CSMD1: variants seen among roughly 807,000 people sequenced by gnomAD.
CSMD1 encodes CUB and Sushi multiple domains 1.
In CSMD1, 213 loss-of-function variants were observed where a neutral mutation model predicts 417.5. That is an observed-to-expected ratio of 0.51 (90% CI 0.46 to 0.57). CSMD1 has a LOEUF of 0.57. CSMD1 is among the 20% of genes least tolerant of loss of function. CSMD1 has a pLI of 0.00. For missense variants in CSMD1, 6,923 were observed against 4,529.7 expected, an observed-to-expected ratio of 1.53 and a Z score of -15.17; for synonymous variants, 2,862 against 1,736.8, an observed-to-expected ratio of 1.65 and a Z score of -16.11.
intron 3 of CSMD1, among the ~76,000 whole-genome samples, chr8:4,365,472 C>T: frequency 6.6e-6 from 1 of 152,212 alleles, no homozygotes; most frequent in South Asian, 2.1e-4. Flanking sequence ...TTCTTTTTCT[C>T]CAAGTCTACT....
intron 1 of CSMD1, among the ~76,000 whole-genome samples, chr8:4,700,748 G>A (rs1463490460): frequency 6.6e-6 from 1 of 152,062 alleles, no homozygotes; most frequent in Non-Finnish European, 1.5e-5. Flanking sequence ...TTTATTATAT[G>A]CAACTTACGC....
chr8:4,917,015 C>T (rs563471660), intron 1 of CSMD1, among the ~76,000 whole-genome samples: 2 of 152,250 alleles, frequency 1.3e-5, no homozygotes, highest in South Asian at 4.1e-4. Flanking sequence ...TATAAATAAC[C>T]ACCTGAGACT....
chr8:3,624,028 C>G (rs1035477889), intron 7 of CSMD1, among the ~76,000 whole-genome samples: 1 of 151,940 alleles, frequency 6.6e-6, no homozygotes, highest in Non-Finnish European at 1.5e-5. Context: ...CCATAATTAC[C>G]TTATGAGACA....
chr8:4,385,602 C>T (rs1803396888), intron 3 of CSMD1, among the ~76,000 whole-genome samples: 1 of 152,080 alleles, frequency 6.6e-6, no homozygotes, highest in African/African-American at 2.4e-5. Flanking sequence ...TTATTAATTG[C>T]TGATTTAATG....
intron 15 of CSMD1, among the ~76,000 whole-genome samples, chr8:3,401,946 T>A (rs1339674980): frequency 6.9e-6 from 1 of 145,260 alleles, no homozygotes. Flanking sequence ...TAGAAAGCAA[T>A]TTCTTCTTTG....
At chr8:4,086,733 A>G (rs896709716) in intron 3 of CSMD1, among the ~76,000 whole-genome samples, 3 of 152,256 alleles carry the variant, frequency 2.0e-5, no homozygotes, top group Non-Finnish European at 4.4e-5. Context: ...ATTGACAAGT[A>G]TTATTGAGTT....
chr8:4,513,307 C>G (rs1802929476), intron 2 of CSMD1, among the ~76,000 whole-genome samples: 1 of 152,114 alleles, frequency 6.6e-6, no homozygotes, highest in African/African-American at 2.4e-5. Context: ...GCACCTAAAA[C>G]TACTCTACAA....
At chr8:3,850,598 G>C (rs1393385754) in intron 5 of CSMD1, among the ~76,000 whole-genome samples, 2 of 152,166 alleles carry the variant, frequency 1.3e-5, no homozygotes, top group Admixed American at 1.3e-4. Context: ...AGGAAGCTGA[G>C]GCAGGAGAAT....
At chr8:3,936,221 G>A (rs1490708560) in intron 5 of CSMD1, among the ~76,000 whole-genome samples, 1 of 151,324 alleles carries the variant, frequency 6.6e-6, no homozygotes, top group Non-Finnish European at 1.5e-5. Context: ...ACATAAAAGG[G>A]CAAGGTAAAG....
chr8:4,556,180 A>C (rs1798077356), intron 2 of CSMD1, among the ~76,000 whole-genome samples: 1 of 152,176 alleles, frequency 6.6e-6, no homozygotes, highest in South Asian at 2.1e-4. Flanking sequence ...AATTCTTTTG[A>C]ATTTACGACA....
intron 3 of CSMD1, among the ~76,000 whole-genome samples, chr8:4,318,196 T>A (rs1329124203): frequency 6.6e-6 from 1 of 152,120 alleles, no homozygotes; most frequent in Non-Finnish European, 1.5e-5. Flanking sequence ...GGTTTACATG[T>A]GAATGATAAT....
Position 4,267,399 on chromosome 8 carries a change from G to A in CSMD1, c.415+152554C>T, listed in dbSNP as rs528666948. ...TTAGGATTAACTATGAACTCTGAAA[G>A]ATCTATGTGAAGAAAATGATAAGCT... is the stretch of plus-strand genomic sequence containing the variant. On this transcript the variant is annotated intron_variant, in intron 3 of 69. Coordinates refer to ENST00000635120, the MANE Select transcript of CSMD1 (RefSeq NM_033225.6). Among the ~76,000 whole-genome samples, 5 of 45,364 alleles carry A rather than the reference G, an allele frequency of 1.1e-4. 1 individual carries two copies. Among genetic ancestry groups the A allele is most frequent in the Admixed American group, 1.1e-3 (5 of 4,630 alleles). The allele number at this position is 45,364 out of a possible 152,430, so 29.8% of individuals were successfully genotyped here. A position where few individuals can be genotyped will look rare whatever the true frequency, so the allele number is the denominator to read the frequency against.
chr8:3,331,410 T>C (rs1380902429), intron 23 of CSMD1, among the ~76,000 whole-genome samples: 1 of 152,188 alleles, frequency 6.6e-6, no homozygotes, highest in African/African-American at 2.4e-5. Context: ...GCCATTTTTA[T>C]CTGATGCGGT....
chr8:4,282,407 T>A (rs948147310), intron 3 of CSMD1, among the ~76,000 whole-genome samples: 4 of 152,152 alleles, frequency 2.6e-5, no homozygotes, highest in Admixed American at 1.3e-4. Context: ...CACATCAACA[T>A]CCCAAGGATG....
Position 2,979,514 on chromosome 8 carries a change from T to C in CSMD1, c.8378-714A>G, listed in dbSNP as rs537516635. ...AGGAAAAGAAAGAACTCTGATTACC[T>C]CATGCTTTGACCCACCCCACCAGTG... is the stretch of plus-strand genomic sequence containing the variant. On this transcript the variant is annotated intron_variant, in intron 54 of 69. Coordinates refer to ENST00000635120, the MANE Select transcript of CSMD1 (RefSeq NM_033225.6). Among the ~76,000 whole-genome samples the C allele has an allele frequency of 5.9e-5, 9 of 152,318 alleles. No individual in the cohort carries two copies. The South Asian group carries it at 1.7e-3, about 28-fold the overall frequency.
chr8:4,406,264 C>G (rs1254071714), intron 3 of CSMD1, among the ~76,000 whole-genome samples: 1 of 152,086 alleles, frequency 6.6e-6, no homozygotes, highest in African/African-American at 2.4e-5. Flanking sequence ...GGTGCATTTG[C>G]CCTCAGATAG....
intron 57 of CSMD1, among the ~76,000 whole-genome samples, chr8:2,972,086 A>G (rs970867152): frequency 6.6e-5 from 10 of 152,042 alleles, no homozygotes; most frequent in African/African-American, 2.4e-4. Flanking sequence ...AAACATTCCT[A>G]TATTAATATT....
chr8:4,342,680 C>T (rs748422318), intron 3 of CSMD1, among the ~76,000 whole-genome samples: 33 of 151,938 alleles, frequency 2.2e-4, no homozygotes, highest in African/African-American at 5.6e-4. Context: ...ACTGGCTGCC[C>T]AGCGATAGAG....
chr8:3,281,999 C>T (rs968098730), intron 26 of CSMD1, among the ~76,000 whole-genome samples: 2 of 152,198 alleles, frequency 1.3e-5, no homozygotes, highest in African/African-American at 4.8e-5. Flanking sequence ...GAAGATGTGA[C>T]TGCTTCCCCT....
Sources: gnomAD v4.1 joint callset for allele counts (sites outside exome capture counted in the v4.1 genomes callset) on GRCh38, gnomAD v4.1.1 for gene constraint, MANE v1.5 for transcripts, NCBI Gene and HGNC (gene_info 2026-07-23, HGNC 2026-07-21) for gene names.